PCDH9: variants seen among roughly 807,000 people sequenced by gnomAD.
PCDH9 encodes the protein protocadherin 9.
PCDH9 carries 24 observed loss-of-function variants against 70.6 expected under a neutral mutation model. That is an observed-to-expected ratio of 0.34 (90% CI 0.25 to 0.48). The LOEUF (loss-of-function observed/expected upper bound fraction) is 0.48. Ranked by LOEUF, PCDH9 falls within the 20% of genes least tolerant of loss-of-function variation. The pLI, the probability that PCDH9 is intolerant of heterozygous loss-of-function variation, is 0.99. For missense variants in PCDH9, 1,281 were observed against 1,503.6 expected (o/e 0.85, Z 2.45); for synonymous variants, 562 against 558.5 (o/e 1.01, Z -0.09).
chr13:66,451,740 C>T (rs994610791), intron 4 of PCDH9, among the ~76,000 whole-genome samples: 1 of 151,948 alleles, frequency 6.6e-6, no homozygotes, highest in Non-Finnish European at 1.5e-5. Flanking sequence ...AGCTATCTGG[C>T]AAAGAAAAAT....
intron 2 of PCDH9, among the ~76,000 whole-genome samples, chr13:67,080,011 C>A (rs1183726155): frequency 6.6e-6 from 1 of 152,130 alleles, no homozygotes; most frequent in Non-Finnish European, 1.5e-5. Flanking sequence ...AATCAATGTA[C>A]ACCTTCCTCA....
intron 2 of PCDH9, among the ~76,000 whole-genome samples, chr13:67,096,284 T>A (rs2086318086): frequency 3.3e-5 from 5 of 152,168 alleles, no homozygotes; most frequent in Admixed American, 2.0e-4. Context: ...AATTTTCATA[T>A]AGCAACACAC....
intron 3 of PCDH9, among the ~76,000 whole-genome samples, chr13:66,769,968 A>C (rs768848844): frequency 6.6e-5 from 10 of 152,148 alleles, no homozygotes; most frequent in Non-Finnish European, 1.3e-4. Flanking sequence ...AGGAGCATCC[A>C]TTTGCATACA....
chr13:66,813,982 G>A (rs1280799721), intron 3 of PCDH9, among the ~76,000 whole-genome samples: 1 of 152,134 alleles, frequency 6.6e-6, no homozygotes. Context: ...ACTACCAGCA[G>A]CTTAGTCCTA....
intron 2 of PCDH9, among the ~76,000 whole-genome samples, chr13:67,001,644 A>T (rs1177671234): frequency 6.6e-6 from 1 of 152,198 alleles, no homozygotes; most frequent in East Asian, 1.9e-4. Context: ...TCTAAGAAAC[A>T]GCAGGAACAG....
chr13:66,907,517 C>A (rs1177205921), intron 2 of PCDH9, among the ~76,000 whole-genome samples: 1 of 152,164 alleles, frequency 6.6e-6, no homozygotes, highest in Non-Finnish European at 1.5e-5. Context: ...CCAAAACATC[C>A]ATTGTAGTTC....
At chr13:67,183,683 A>G (rs1006869331) in intron 2 of PCDH9, among the ~76,000 whole-genome samples, 14 of 152,178 alleles carry the variant, frequency 9.2e-5, no homozygotes, top group Non-Finnish European at 2.9e-5. Flanking sequence ...GATATTTTTT[A>G]CTTTTATAAT....
chr13:67,227,618 G>A lies in PCDH9; in HGVS notation c.823C>T (p.His275Tyr). Residue 275 changes from histidine to tyrosine, a missense_variant, in exon 2 of 5, where the codon CAT becomes TAT. Around this residue, in one of 4 missense-constraint regions of PCDH9, gnomAD observed 798 missense variants for 1,003.1 expected, o/e 0.80. Transcript: ENST00000377865. The surrounding 1 kb of genome is among the most constrained non-coding windows in gnomAD (Gnocchi z 4.6). ...APVGTSVIQLHATDADIGSNA... is the reference protein window; with the variant it reads ...APVGTSVIQLYATDADIGSNA... ...CTGCCTATATCTGCATCAGTGGCAT[G>A]GAGCTGAATTACAGAGGTACCTACG... 2 of 1,613,888 alleles carry A rather than the reference G, an allele frequency of 1.2e-6. No homozygotes were observed. The highest frequency in any genetic ancestry group is 1.7e-6 in the Non-Finnish European group (2 of 1,179,796).
chr13:67,076,177 T>G (rs768371692), intron 2 of PCDH9, among the ~76,000 whole-genome samples: 1 of 152,148 alleles, frequency 6.6e-6, no homozygotes, highest in Admixed American at 6.6e-5. Context: ...TGCCAGACAC[T>G]GCCCTAAATA....
intron 3 of PCDH9, among the ~76,000 whole-genome samples, chr13:66,775,898 T>C (rs137971574): frequency 1.3e-5 from 2 of 152,202 alleles, no homozygotes; most frequent in Non-Finnish European, 2.9e-5. Context: ...CAAATGGGAA[T>C]AGATCCAAGC....
At chr13:66,475,117 A>G (rs1380757139) in intron 4 of PCDH9, among the ~76,000 whole-genome samples, 1 of 152,096 alleles carries the variant, frequency 6.6e-6, no homozygotes, top group Non-Finnish European at 1.5e-5. Context: ...GAATCACTGA[A>G]TATAACAACA....
chr13:67,125,780 G>C (rs1374030460), intron 2 of PCDH9, among the ~76,000 whole-genome samples: 3 of 151,200 alleles, frequency 2.0e-5, no homozygotes, highest in South Asian at 2.1e-4. Flanking sequence ...ATTGTCACAG[G>C]GTCTTGCATT....
At chr13:66,586,508 C>T (rs371168924) in intron 4 of PCDH9, among the ~76,000 whole-genome samples, 65 of 152,184 alleles carry the variant, frequency 4.3e-4, no homozygotes, top group African/African-American at 1.2e-3. Context: ...ATGGTTGGGG[C>T]GCTCTTCCTC....
At chr13:66,365,553 G>A (rs2138203406) in intron 4 of PCDH9, among the ~76,000 whole-genome samples, 1 of 152,294 alleles carries the variant, frequency 6.6e-6, no homozygotes, top group South Asian at 2.1e-4. Flanking sequence ...TGTGACTGCT[G>A]TGTTAAATGA....
intron 3 of PCDH9, among the ~76,000 whole-genome samples, chr13:66,764,886 T>A (rs944557854): frequency 6.6e-6 from 1 of 151,952 alleles, no homozygotes; most frequent in African/African-American, 2.4e-5. Context: ...AAAAAATACA[T>A]CATATCGATT....
intron 4 of PCDH9, among the ~76,000 whole-genome samples, chr13:66,392,674 G>A (rs1193352508): frequency 5.3e-5 from 8 of 152,054 alleles, no homozygotes; most frequent in African/African-American, 1.4e-4. Flanking sequence ...TCTACATTTC[G>A]TGGCTTGAAT....
intron 3 of PCDH9, among the ~76,000 whole-genome samples, chr13:66,704,128 T>G (rs2078682238): frequency 6.6e-6 from 1 of 152,198 alleles, no homozygotes; most frequent in African/African-American, 2.4e-5. Flanking sequence ...TTTACTTTTG[T>G]GTACTCAGGC....
At chr13:66,368,901 C>T (rs1004650902) in intron 4 of PCDH9, among the ~76,000 whole-genome samples, 2 of 152,052 alleles carry the variant, frequency 1.3e-5, no homozygotes, top group African/African-American at 4.8e-5. Context: ...GACGTATTCA[C>T]TATCATGAGA....
chr13:66,979,564 T>C (rs2083695017), intron 2 of PCDH9, among the ~76,000 whole-genome samples: 1 of 152,118 alleles, frequency 6.6e-6, no homozygotes, highest in Non-Finnish European at 1.5e-5. Context: ...TAATAGAATA[T>C]TACAACAACA....
Sources: gnomAD v4.1 joint callset for allele counts (sites outside exome capture counted in the v4.1 genomes callset) on GRCh38, gnomAD v4.1.1 for gene constraint, gnomAD v4.1.1 regional missense constraint, Gnocchi (gnomAD v3.1) non-coding constraint, MANE v1.5 for transcripts, NCBI Gene and HGNC (gene_info 2026-07-23, HGNC 2026-07-21) for gene names.